Variants in STRN observed in about 807,000 individuals in gnomAD.
STRN encodes protein phosphatase 2 regulatory subunit B'''alpha.
STRN carries 53 observed loss-of-function variants against 96.3 expected under a neutral mutation model. The observed-to-expected ratio is 0.55, with a 90% CI of 0.44 to 0.69. The LOEUF is 0.69. STRN is among the 30% of genes least tolerant of loss of function. The pLI is 0.00. For synonymous variants in STRN, 428 were observed against 355.9 expected (o/e 1.20, Z -2.28); for missense variants, 987 against 963.9 (o/e 1.02, Z -0.32).
chr2:36,893,952 T>C lies in STRN; in HGVS notation c.877A>G (p.Thr293Ala). ...GATTCATTGTCTCCTTCCTCTGATG[T>C]AACCAAGAAGTCAAACTCCTTTAGA... ...EALKEFDFLV[T>A]SEEGDNESRS... Residue 293 changes from threonine to alanine, a missense_variant, in exon 7 of 18, where the codon ACA (threonine) becomes GCA (alanine). Thr to Ala is a moderately conservative substitution (Grantham distance 58). Transcript: ENST00000263918. 3 of 1,613,760 alleles carry C rather than the reference T, an allele frequency of 1.9e-6. No individual in the cohort carries two copies. Among genetic ancestry groups the C allele is most frequent in the South Asian group, 1.1e-5 (1 of 91,036 alleles).
chr2:36,876,417 G>A (rs990798056), intron 10 of STRN, among the ~76,000 whole-genome samples: 3 of 152,066 alleles, frequency 2.0e-5, no homozygotes, highest in East Asian at 1.9e-4. Context: ...AGTAGTATAC[G>A]GATTTCAACT....
chr2:36,965,600 C>G (rs1246418962), intron 1 of STRN, among the ~76,000 whole-genome samples: 3 of 151,266 alleles, frequency 2.0e-5, no homozygotes, highest in African/African-American at 7.3e-5. Context: ...GTCCTTCATT[C>G]AAAATGCATT....
intron 6 of STRN, among the ~76,000 whole-genome samples, chr2:36,897,470 C>T (rs754903279): frequency 6.6e-6 from 1 of 151,322 alleles, no homozygotes; most frequent in Non-Finnish European, 1.5e-5. Context: ...CAGTCTCGCT[C>T]TGTCACCCAG....
chr2:36,852,986 G>T (rs1244633729), intron 15 of STRN, among the ~76,000 whole-genome samples: 1 of 152,120 alleles, frequency 6.6e-6, no homozygotes, highest in Admixed American at 6.5e-5. Context: ...GTGAAACTCT[G>T]TCTCTACGCA....
At chr2:36,887,142 TTCTCGG>T in intron 7 of STRN, among the ~76,000 whole-genome samples, 1 of 151,594 alleles carries the variant, frequency 6.6e-6, no homozygotes, top group African/African-American at 2.4e-5. Flanking sequence ...AATCAAGAAC[TTCTCGG>T]CCAGGTGGGG....
chr2:36,854,155 G>T (rs939454102), intron 15 of STRN, among the ~76,000 whole-genome samples: 8 of 152,054 alleles, frequency 5.3e-5, no homozygotes, highest in African/African-American at 1.9e-4. Context: ...TATAATCTCT[G>T]AAGGTAATTA....
intron 2 of STRN, among the ~76,000 whole-genome samples, chr2:36,916,396 C>A (rs1192969656): frequency 6.6e-6 from 1 of 151,692 alleles, no homozygotes; most frequent in African/African-American, 2.4e-5. Flanking sequence ...ATTAACTCTT[C>A]TTTCTGTAAT....
intron 1 of STRN, among the ~76,000 whole-genome samples, chr2:36,954,977 T>C (rs1364825873): frequency 2.0e-5 from 3 of 152,164 alleles, no homozygotes; most frequent in Non-Finnish European, 4.4e-5. Flanking sequence ...GAAACACAAA[T>C]TGTTAAAGAC....
At chr2:36,889,612 T>C (rs1328470297) in intron 7 of STRN, among the ~76,000 whole-genome samples, 2 of 115,496 alleles carry the variant, frequency 1.7e-5, no homozygotes, top group East Asian at 5.6e-4. Context: ...ATATTCTTCT[T>C]TTTTTTGGGG....
At chr2:36,918,768 T>C (rs184338833) in intron 2 of STRN, among the ~76,000 whole-genome samples, 1 of 152,312 alleles carries the variant, frequency 6.6e-6, no homozygotes, top group Non-Finnish European at 1.5e-5. Flanking sequence ...TTAATAGCAT[T>C]CCTTTTTAAG....
Position 36,883,941 on chromosome 2 carries a change from C to A in STRN, c.1177G>T (p.Ala393Ser). The change falls in exon 9 of 18, where the codon GCA (alanine) becomes TCA (serine). Residue 393 changes from alanine (A) to serine (S), a missense_variant. Coordinates refer to ENST00000263918, the MANE Select transcript of STRN (RefSeq NM_003162.4). ...SRLPEHEINR[A>S]DEVEALTFPP... ...TATCTTAAATACTTACCTTCATCTG[C>A]CCTATTAATTTCATGTTCAGGAAGC... 1 of 1,393,270 alleles carries A rather than the reference C, an allele frequency of 7.2e-7. No homozygotes were observed. Among genetic ancestry groups the A allele is most frequent in the Non-Finnish European group, 9.4e-7 (1 of 1,067,604 alleles). The allele number at this position is 1,393,270 out of a possible 1,614,324, so 86.3% of individuals were successfully genotyped here.
chr2:36,873,206 T>A (rs1298522422), intron 10 of STRN, among the ~76,000 whole-genome samples: 2 of 152,270 alleles, frequency 1.3e-5, no homozygotes, highest in African/African-American at 4.8e-5. Flanking sequence ...AGCCAGTGGC[T>A]GCATACATCT....
rs113230149 is a variant in STRN, at chr2:36,863,833, G to C, written c.1548-2580C>G. On this transcript the variant is annotated intron_variant, in intron 12 of 17. Transcript: ENST00000263918. ...TCTTTGTGTCATCTCTGATTTCTTT[G>C]AGCAGTGTTTTGTAATTCTCAGTGT... Among the ~76,000 whole-genome samples the C allele has an allele frequency of 3.2e-3, 489 of 152,176 alleles. 1 individual carries two copies. The highest frequency in any genetic ancestry group is 0.011 in the African/African-American group (477 of 41,504).
intron 4 of STRN, among the ~76,000 whole-genome samples, chr2:36,903,559 A>C (rs1669743740): frequency 6.6e-6 from 1 of 152,236 alleles, no homozygotes; most frequent in African/African-American, 2.4e-5. Context: ...CCATTAATAA[A>C]AACGACAGAC....
chr2:36,960,567 C>T (rs969694512), intron 1 of STRN, among the ~76,000 whole-genome samples: 4 of 152,108 alleles, frequency 2.6e-5, no homozygotes, highest in Admixed American at 2.0e-4. Context: ...CATGCCTCTG[C>T]TAAGTACTTT....
At chr2:36,920,365 G>A (rs1193071889) in intron 2 of STRN, among the ~76,000 whole-genome samples, 5 of 152,136 alleles carry the variant, frequency 3.3e-5, no homozygotes, top group Non-Finnish European at 5.9e-5. Context: ...CAGGCTGGGC[G>A]CGGTGGCTCA....
chr2:36,923,136 G>C (rs559949095), intron 2 of STRN, among the ~76,000 whole-genome samples: 9 of 137,954 alleles, frequency 6.5e-5, no homozygotes, highest in South Asian at 2.4e-4. Context: ...GCAAAACTCC[G>C]TCTGAAAAAA....
chr2:36,902,123 C>T (rs1669699133), intron 5 of STRN, among the ~76,000 whole-genome samples: 1 of 152,108 alleles, frequency 6.6e-6, no homozygotes, highest in Non-Finnish European at 1.5e-5. Flanking sequence ...CACACTTACG[C>T]TGTCACTTCA....
At chr2:36,951,801 C>T (rs755750684) in intron 1 of STRN, among the ~76,000 whole-genome samples, 4 of 152,120 alleles carry the variant, frequency 2.6e-5, no homozygotes, top group Non-Finnish European at 4.4e-5. Context: ...GTTCTCAACC[C>T]CTGGGCCACT....
Sources: allele counts gnomAD v4.1 joint callset (sites outside exome capture counted in the v4.1 genomes callset), GRCh38; gene constraint gnomAD v4.1.1; transcripts MANE v1.5; gene names NCBI Gene and HGNC (gene_info 2026-07-23, HGNC 2026-07-21).